The following CFAP70 variants were observed in gnomAD, a reference collection of about 807,000 sequenced individuals.
CFAP70 encodes the protein cilia and flagella associated protein 70, also known as cilia- and flagella-associated protein 70.
CFAP70 carries 81 observed loss-of-function variants against 137.6 expected under a neutral mutation model. That is an observed-to-expected ratio of 0.59 (90% confidence interval 0.49 to 0.71). CFAP70 has a LOEUF of 0.71. Among genes scored for constraint, CFAP70 ranks in the 30% least tolerant of loss-of-function variants. The pLI, the probability that CFAP70 is intolerant of heterozygous loss-of-function variation, is 0.00. For synonymous variants in CFAP70, 382 were observed against 423.6 expected, an observed-to-expected ratio of 0.90 and a Z score of 1.20; for missense variants, 976 against 1,226.7, an observed-to-expected ratio of 0.80 and a Z score of 3.05.
intron 7 of CFAP70, among the ~76,000 whole-genome samples, chr10:73,333,460 T>C (rs1475352804): frequency 2.6e-5 from 4 of 151,568 alleles, no homozygotes; most frequent in African/African-American, 9.7e-5. Context: ...CAACTATATC[T>C]AGGCATATCA....
intron 4 of CFAP70, among the ~76,000 whole-genome samples, chr10:73,345,906 A>T (rs7900383): frequency 0.11 from 15,811 of 147,312 alleles, 1,190 homozygotes; most frequent in East Asian, 0.3. Flanking sequence ...TTTTAATTTT[A>T]TTTTTTTTTT....
rs188726037 is a variant in CFAP70 at position 73,288,247 on chromosome 10, G to A, written c.2239+2979C>T. The stretch of plus-strand genomic sequence containing the variant: ...ACTTGACAATACTTTTGAAGCATGC[G>A]GGGGAAAAAGGCAAAAGGAACACAG... On this transcript the variant is annotated intron_variant, in intron 19 of 26. Transcript: ENST00000310715. Among the ~76,000 whole-genome samples the A allele has an allele frequency of 6.6e-4, 100 of 152,012 alleles. 1 individual carries two copies. The highest frequency in any genetic ancestry group is 5.2e-3 in the South Asian group (25 of 4,810).
At chr10:73,352,221 T>C (rs946612981) in intron 3 of CFAP70, among the ~76,000 whole-genome samples, 1 of 152,210 alleles carries the variant, frequency 6.6e-6, no homozygotes, top group Non-Finnish European at 1.5e-5. Context: ...GACTCATTAC[T>C]AGAGGGGATA....
chr10:73,358,700 G>A (rs1282520540), intron 1 of CFAP70, 78 bp downstream of exon 1: 1 of 152,482 alleles, frequency 6.6e-6, no homozygotes, highest in Non-Finnish European at 1.5e-5. Context: ...CTTCAGGAGG[G>A]ATCACTGTCT....
intron 16 of CFAP70, 39 bp from the exon 18 acceptor site, chr10:73,292,053 T>C: frequency 6.2e-7 from 1 of 1,609,200 alleles, no homozygotes; most frequent in South Asian, 1.1e-5. Context: ...TGATACTATG[T>C]CCTATTTTTA....
At chr10:73,327,910 T>C (rs1589503041) in intron 8 of CFAP70, among the ~76,000 whole-genome samples, 1 of 152,158 alleles carries the variant, frequency 6.6e-6, no homozygotes, top group East Asian at 1.9e-4. Context: ...ATGGCCATAC[T>C]GCCCAAGGTA....
intron 7 of CFAP70, among the ~76,000 whole-genome samples, chr10:73,334,378 T>C (rs1321515760): frequency 6.6e-6 from 1 of 152,160 alleles, no homozygotes; most frequent in Admixed American, 6.5e-5. Flanking sequence ...AGGCAGCATG[T>C]GTCCTTTTTA....
chr10:73,320,459 G>C (rs897359055), intron 9 of CFAP70, among the ~76,000 whole-genome samples: 1 of 151,786 alleles, frequency 6.6e-6, no homozygotes, highest in African/African-American at 2.4e-5. Context: ...GAGTAGCTGG[G>C]ACTACAGGAA....
At chr10:73,345,574 G>A (rs1014219895) in intron 4 of CFAP70, among the ~76,000 whole-genome samples, 1 of 152,122 alleles carries the variant, frequency 6.6e-6, no homozygotes, top group African/African-American at 2.4e-5. Context: ...GGGAGCCAAG[G>A]CAGGTGGATC....
chr10:73,260,713 A>G (rs1295905333), intron 25 of CFAP70, among the ~76,000 whole-genome samples: 1 of 152,142 alleles, frequency 6.6e-6, no homozygotes, highest in Non-Finnish European at 1.5e-5. Context: ...ATCAAATAAT[A>G]TATAGTCTTC....
exon 16 of CFAP70, chr10:73,293,340 T>C (rs2048311340): frequency 6.2e-7 from 1 of 1,612,174 alleles, no homozygotes; most frequent in Non-Finnish European, 8.5e-7. Flanking sequence ...AGCTGTTCAC[T>C]GCTTGTATAA....
At chr10:73,270,456 C>A (rs2046175928) in intron 24 of CFAP70, among the ~76,000 whole-genome samples, 1 of 124,290 alleles carries the variant, frequency 8.0e-6, no homozygotes, top group Non-Finnish European at 1.7e-5. Flanking sequence ...CCCTCCCCAG[C>A]CACCCTTTTC....
chr10:73,287,959 G>A (rs1042796604), intron 19 of CFAP70, among the ~76,000 whole-genome samples: 6 of 151,842 alleles, frequency 4.0e-5, no homozygotes, highest in East Asian at 1.9e-4. Flanking sequence ...GTGCAGTGGC[G>A]CAATCTGATC....
intron 12 of CFAP70, among the ~76,000 whole-genome samples, chr10:73,302,883 CTTTTT>C (rs1554895440): frequency 7.6e-6 from 1 of 130,998 alleles, no homozygotes; most frequent in Admixed American, 7.6e-5. Context: ...CTTTTCTTTT[CTTTTT>C]TTTTTTTTTT....
Position 73,354,911 on chromosome 10 carries a change from A to G in CFAP70, c.-39-76T>C. On this transcript the variant is annotated intron_variant, in intron 1 of 26. Coordinates refer to ENST00000310715, the Ensembl canonical transcript of CFAP70. ...GTACCCATATTCCATCATAACCAATACCAGGGAAAACCTAAGGAAATGCCA... is the reference window on the plus strand; with the variant it reads ...GTACCCATATTCCATCATAACCAATGCCAGGGAAAACCTAAGGAAATGCCA... 9.8e-6 allele frequency: 8 copies of G among 819,450 alleles called. No individual in the cohort carries two copies. The Middle Eastern group carries it at 9.0e-4, about 92-fold the overall frequency. 50.8% of individuals were successfully genotyped at this position (819,450 alleles called of 1,614,324 possible). A position where few individuals can be genotyped will look rare whatever the true frequency, so the allele number is the denominator to read the frequency against.
At chr10:73,343,544 A>G (rs2053456949) in intron 5 of CFAP70, among the ~76,000 whole-genome samples, 1 of 152,124 alleles carries the variant, frequency 6.6e-6, no homozygotes. Context: ...CCCCCTCTCT[A>G]CTAAAATACA....
intron 19 of CFAP70, chr10:73,279,145 A>G (rs1186822232): frequency 1.3e-5 from 2 of 152,182 alleles, no homozygotes; most frequent in African/African-American, 2.4e-5. Context: ...TGACTCACAG[A>G]TTCCTGAAGC....
intron 3 of CFAP70, among the ~76,000 whole-genome samples, chr10:73,350,474 T>A (rs565686261): frequency 2.6e-5 from 4 of 152,336 alleles, no homozygotes; most frequent in East Asian, 1.9e-4. Flanking sequence ...TCCTTTCATA[T>A]GTTTTGTATA....
chr10:73,355,315 C>T (rs944607737), intron 1 of CFAP70, among the ~76,000 whole-genome samples: 86 of 152,164 alleles, frequency 5.7e-4, no homozygotes, highest in African/African-American at 2.0e-3. Context: ...CACAGGAGTG[C>T]GAACCCTATT....
Sources: allele counts gnomAD v4.1 joint callset (sites outside exome capture counted in the v4.1 genomes callset), GRCh38; gene constraint gnomAD v4.1.1; transcripts MANE v1.5; gene names NCBI Gene and HGNC (gene_info 2026-07-23, HGNC 2026-07-21).